COL27A1: variants seen among roughly 807,000 people sequenced by gnomAD.
The protein encoded by COL27A1 is collagen alpha-1(XXVII) chain.
A neutral mutation model predicts 251.3 loss-of-function variants in COL27A1; 106 were observed. The observed-to-expected ratio is 0.42, with a 90% CI of 0.36 to 0.50. The LOEUF is 0.50. Among genes scored for constraint, COL27A1 ranks in the 20% least tolerant of loss-of-function variants. The pLI, the probability that COL27A1 is intolerant of heterozygous loss-of-function variation, is 0.00. For missense variants in COL27A1, 2,325 were observed against 2,522.8 expected (o/e 0.92, Z 1.68); for synonymous variants, 1,000 against 986.3 (o/e 1.01, Z -0.26).
Position 114,222,255 on chromosome 9 carries a change from C to T in COL27A1, c.2454C>T (p.Val818=). The T allele has an allele frequency of 6.2e-7, 1 of 1,613,378 alleles. No homozygotes were observed. The highest frequency in any genetic ancestry group is 8.5e-7 in the Non-Finnish European group (1 of 1,179,440). ...GELGLPGPPG[V]PGLIGDLGVL... Reference sequence around the variant, plus strand: ...TGGGCCTGCCAGGCCCCCCTGGAGTCCCCGGCCTCATTGTAAGTACATTGA... The same window carrying T: ...TGGGCCTGCCAGGCCCCCCTGGAGTTCCCGGCCTCATTGTAAGTACATTGA... The change falls in exon 14 of 61, where the codon GTC becomes GTT. Residue 818 remains valine, a synonymous_variant. Coordinates refer to ENST00000356083, the MANE Select transcript of COL27A1 (RefSeq NM_032888.4).
At chr9:114,282,137 C>G in intron 37 of COL27A1, 140 bp from the exon 38 acceptor site, 1 of 700,262 alleles carries the variant, frequency 1.4e-6, no homozygotes, top group Non-Finnish European at 2.5e-6. Flanking sequence ...GGCTCAAGGT[C>G]ATGTGGGTAC....
chr9:114,163,791 C>T (rs1319158154), intron 2 of COL27A1, among the ~76,000 whole-genome samples: 1 of 151,914 alleles, frequency 6.6e-6, no homozygotes, highest in Non-Finnish European at 1.5e-5. Flanking sequence ...TCATATTTTC[C>T]AAGCTTGCTG....
At chr9:114,283,686 A>G in intron 39 of COL27A1, 23 bp from the exon 40 acceptor site, 4 of 1,613,042 alleles carry the variant, frequency 2.5e-6, no homozygotes, top group South Asian at 2.2e-5. Flanking sequence ...CTCCATACCA[A>G]CGAGGGTCTC....
intron 28 of COL27A1, among the ~76,000 whole-genome samples, chr9:114,263,599 G>C (rs1180413370): frequency 6.6e-6 from 1 of 152,182 alleles, no homozygotes; most frequent in African/African-American, 2.4e-5. Flanking sequence ...ATGTGTTAGG[G>C]ACCTTAGCTA....
At chr9:114,196,928 C>G (rs1337778072) in intron 7 of COL27A1, among the ~76,000 whole-genome samples, 1 of 152,166 alleles carries the variant, frequency 6.6e-6, no homozygotes, top group Admixed American at 6.5e-5. Flanking sequence ...TGAGGCTCCT[C>G]TCTGCTCAAG....
In COL27A1 at chr9:114,242,242, C is replaced by G. The variant is rs765109123; in HGVS notation, c.2880+11C>G. On this transcript the variant is annotated intron_variant, in intron 22 of 60. Coordinates refer to ENST00000356083, the MANE Select transcript of COL27A1 (RefSeq NM_032888.4). The stretch of plus-strand genomic sequence containing the variant: ...GCCCCTGGCTTGGAGGTGAGTGTCA[C>G]TGGCCTGGGGTAGGTGGCATTCATG... The G allele has an allele frequency of 6.2e-7, 1 of 1,609,530 alleles. No individual in the cohort carries two copies. Among genetic ancestry groups the G allele is most frequent in the South Asian group, 1.1e-5 (1 of 90,358 alleles).
chr9:114,251,892 T>C (rs1205495217), intron 25 of COL27A1, among the ~76,000 whole-genome samples: 2 of 152,250 alleles, frequency 1.3e-5, no homozygotes, highest in East Asian at 1.9e-4. Flanking sequence ...CTGTGTCTCC[T>C]ACAACCCTCT....
intron 6 of COL27A1, among the ~76,000 whole-genome samples, chr9:114,194,787 C>T (rs752616838): frequency 6.6e-6 from 1 of 152,176 alleles, no homozygotes; most frequent in Non-Finnish European, 1.5e-5. Context: ...TGCTAGGTGA[C>T]TGTGGGCATC....
At chr9:114,225,056 A>G (rs1222200646) in intron 14 of COL27A1, among the ~76,000 whole-genome samples, 2 of 152,228 alleles carry the variant, frequency 1.3e-5, no homozygotes, top group Non-Finnish European at 2.9e-5. Flanking sequence ...ACACATTTAT[A>G]CTAAAATGTC....
At position 114,194,440 on chromosome 9, in the gene COL27A1, G is replaced by A. The variant is rs932861277; in HGVS notation, c.2053G>A (p.Ala685Thr). The A allele has an allele frequency of 6.2e-7, 1 of 1,612,808 alleles. No homozygotes were observed. Among genetic ancestry groups the A allele is most frequent in the Non-Finnish European group, 8.5e-7 (1 of 1,179,470 alleles). Residue 685 changes from alanine (A) to threonine (T), a missense_variant, in exon 6 of 61, where the codon GCC (alanine) becomes ACC (threonine). Physicochemically the swap from Ala to Thr is moderately conservative, Grantham distance 58. Transcript: ENST00000356083. Reference protein sequence around the residue: ...KGDPGLSPGKAHDGAKGDMGL... With the variant: ...KGDPGLSPGKTHDGAKGDMGL... ...GGACCCAGGGCTCTCACCAGGAAAG[G>A]CCCACGATGGGGCAAAGGTAGGTTT...
intron 57 of COL27A1, among the ~76,000 whole-genome samples, chr9:114,305,127 A>G (rs1219933473): frequency 2.6e-5 from 4 of 152,188 alleles, no homozygotes. Context: ...AGGGAGTCCC[A>G]TGTCCTCTAG....
chr9:114,229,798 G>A (rs985779960), intron 14 of COL27A1, among the ~76,000 whole-genome samples: 11 of 152,180 alleles, frequency 7.2e-5, no homozygotes, highest in African/African-American at 1.2e-4. Context: ...GGGAGAAAGC[G>A]TAGGCTGGTT....
chr9:114,163,669 C>T (rs1220867222), intron 2 of COL27A1, among the ~76,000 whole-genome samples: 2 of 152,248 alleles, frequency 1.3e-5, no homozygotes, highest in Non-Finnish European at 2.9e-5. Flanking sequence ...CAGCCCGGCA[C>T]GCCGGGAGTC....
rs746974047 is a variant in COL27A1, at chr9:114,267,549, G to A, written c.3493G>A (p.Gly1165Arg). Residue 1165 changes from glycine (G) to arginine (R), a missense_variant, in exon 34 of 61, where the codon GGG (glycine) becomes AGG (arginine). Transcript: ENST00000356083. ...AGAACCGGGCCTTCCTGGGGAAGCC[G>A]GGATGAAGGTGAGGTGGGATGAAAG... ...VGEPGLPGEA[G>R]MKGDLGPLGT... 2.3e-5 allele frequency: 36 copies of A among 1,590,066 alleles called. 1 individual carries two copies. The Admixed American group carries it at 2.4e-4, about 11-fold the overall frequency.
chr9:114,286,703 G>A (rs908020387), intron 41 of COL27A1, among the ~76,000 whole-genome samples: 6 of 152,072 alleles, frequency 3.9e-5, no homozygotes, highest in Non-Finnish European at 8.8e-5. Context: ...TAACAAACCT[G>A]CACGTTGTGC....
At chr9:114,180,842 G>A (rs946947150) in intron 4 of COL27A1, among the ~76,000 whole-genome samples, 1 of 152,150 alleles carries the variant, frequency 6.6e-6, no homozygotes, top group Non-Finnish European at 1.5e-5. Context: ...GGACGGGGGG[G>A]CAGGGAAACA....
At chr9:114,205,209 C>T in intron 8 of COL27A1, 63 bp downstream of exon 8, 1 of 1,472,280 alleles carries the variant, frequency 6.8e-7, no homozygotes, top group Non-Finnish European at 9.4e-7. Context: ...CTACCTGTCT[C>T]TGGCCCCCTC....
chr9:114,263,415 A>G lies in COL27A1; in HGVS notation c.3196-940A>G, dbSNP rs115768225. On this transcript the variant is annotated intron_variant, in intron 28 of 60. Transcript: ENST00000356083. The stretch of plus-strand genomic sequence containing the variant: ...GATGGGCTGGCCTCCTCCACAGGAC[A>G]CTCCTGTCCTCCCAACACAGACTGC... Among the ~76,000 whole-genome samples the G allele has an allele frequency of 5.0e-3, 757 of 151,060 alleles. 12 individuals carry two copies. The highest frequency in any genetic ancestry group is 0.018 in the African/African-American group (721 of 41,020).
At chr9:114,166,398 C>CCATCCATCCATCCCT (rs1347413059) in intron 2 of COL27A1, among the ~76,000 whole-genome samples, 1 of 144,504 alleles carries the variant, frequency 6.9e-6, no homozygotes, top group African/African-American at 2.6e-5. Context: ...CATCCATCCA[C>CCATCCATCCATCCCT]CCACCCACCT....
Sources: allele counts gnomAD v4.1 joint callset (sites outside exome capture counted in the v4.1 genomes callset), GRCh38; gene constraint gnomAD v4.1.1; transcripts MANE v1.5; gene names NCBI Gene and HGNC (gene_info 2026-07-23, HGNC 2026-07-21).